CDK5RAP2: variants seen among roughly 807,000 people sequenced by gnomAD.
CDK5RAP2 encodes CDK5 regulatory subunit associated protein 2.
A neutral mutation model predicts 232.9 loss-of-function variants in CDK5RAP2; 147 were observed. That is an observed-to-expected ratio of 0.63 (90% CI 0.55 to 0.72). The LOEUF (loss-of-function observed/expected upper bound fraction) is 0.72. CDK5RAP2 is among the 30% of genes least tolerant of loss of function. The probability of loss-of-function intolerance (pLI) is 0.00; values close to 1 mark genes in which losing one functional copy is unlikely to be tolerated. For missense variants in CDK5RAP2, 2,195 were observed against 2,231.5 expected (o/e 0.98, Z 0.33); for synonymous variants, 833 against 833.7 (o/e 1.00, Z 0.01).
chr9:120,539,883 G>A (rs1054625449), intron 5 of CDK5RAP2, among the ~76,000 whole-genome samples: 1 of 152,196 alleles, frequency 6.6e-6, no homozygotes, highest in Non-Finnish European at 1.5e-5. Context: ...TGCAAGGAGG[G>A]CAGAGAGCTG....
intron 23 of CDK5RAP2, chr9:120,440,315 C>T (rs2035826654): frequency 3.1e-6 from 1 of 326,534 alleles, no homozygotes; most frequent in Admixed American, 4.4e-5. Context: ...GATCTAGTTC[C>T]AGGCAACCTT....
intron 15 of CDK5RAP2, among the ~76,000 whole-genome samples, chr9:120,474,382 G>A (rs2037889566): frequency 6.6e-6 from 1 of 152,238 alleles, no homozygotes; most frequent in South Asian, 2.1e-4. Context: ...AGACATTTTT[G>A]GTTGTTACAA....
chr9:120,530,214 A>G (rs1350940752), intron 7 of CDK5RAP2, 74 bp from the exon 8 acceptor site: 3 of 1,081,802 alleles, frequency 2.8e-6, no homozygotes, highest in Non-Finnish European at 4.2e-6. Flanking sequence ...GAGGAAGGAA[A>G]TGGGGCCAGA....
intron 12 of CDK5RAP2, among the ~76,000 whole-genome samples, chr9:120,516,955 T>C (rs568712654): frequency 7.4e-4 from 112 of 152,358 alleles, no homozygotes; most frequent in African/African-American, 2.5e-3. Flanking sequence ...TGTCATTATT[T>C]AAATAGCCAA....
chr9:120,465,897 C>T (rs1223693601), intron 18 of CDK5RAP2, among the ~76,000 whole-genome samples: 1 of 152,162 alleles, frequency 6.6e-6, no homozygotes, highest in Admixed American at 6.5e-5. Context: ...GGAGACAAAG[C>T]TGCATTCCAG....
chr9:120,426,620 C>A (rs1289505484), intron 25 of CDK5RAP2, among the ~76,000 whole-genome samples: 1 of 152,082 alleles, frequency 6.6e-6, no homozygotes. Flanking sequence ...CTATTCAGAT[C>A]GTTAAAAGGT....
chr9:120,477,390 T>A lies in CDK5RAP2; in HGVS notation c.1687A>T (p.Ile563Phe). The A allele has an allele frequency of 6.2e-7, 1 of 1,614,068 alleles. No homozygotes were observed. The part of the protein sequence containing the change: ...LIQVLKKEQD[I>F]YTHLVKSLQE... ...AGAGATTTGACCAGATGGGTATAGA[T>A]GTCCTGCTCTTTCTTTAAGACCTGA... Residue 563 changes from isoleucine to phenylalanine, a missense_variant, in exon 15 of 38, where the codon ATC becomes TTC. Physicochemically the swap from Ile to Phe is conservative, Grantham distance 21. Transcript: ENST00000349780.
chr9:120,487,447 T>C lies in CDK5RAP2; in HGVS notation c.1483-10A>G, dbSNP rs2038672147. The C allele has an allele frequency of 1.3e-6, 2 of 1,588,300 alleles. No homozygotes were observed. Among genetic ancestry groups the C allele is most frequent in the Non-Finnish European group, 1.7e-6 (2 of 1,165,052 alleles). ...CTTTTTCATTGAATTTCTAATGAAATAAAACAAATTCTAAGGAAATTGTCA... is the reference window on the plus strand; with the variant it reads ...CTTTTTCATTGAATTTCTAATGAAACAAAACAAATTCTAAGGAAATTGTCA... On this transcript the variant is annotated splice_polypyrimidine_tract_variant and intron_variant, in intron 13 of 37. Transcript: ENST00000349780.
chr9:120,391,157 G>A (rs1202773469), intron 36 of CDK5RAP2, among the ~76,000 whole-genome samples: 1 of 152,156 alleles, frequency 6.6e-6, no homozygotes, highest in Non-Finnish European at 1.5e-5. Context: ...CAAGGGGCCT[G>A]AGACCCAGAA....
chr9:120,539,241 G>GAGT, intron 5 of CDK5RAP2, 77 bp from the exon 6 acceptor site: 1 of 1,574,030 alleles, frequency 6.4e-7, no homozygotes, highest in Admixed American at 1.7e-5. Flanking sequence ...AAGAGACAAG[G>GAGT]AGTATTTGCT....
At chr9:120,437,064 C>T (rs968477067) in intron 25 of CDK5RAP2, among the ~76,000 whole-genome samples, 2 of 152,178 alleles carry the variant, frequency 1.3e-5, no homozygotes, top group African/African-American at 2.4e-5. Context: ...CTCACCAGCC[C>T]GGCCCCTGAG....
intron 32 of CDK5RAP2, chr9:120,406,723 G>A: frequency 2.2e-6 from 1 of 453,888 alleles, no homozygotes; most frequent in East Asian, 3.5e-5. Flanking sequence ...AGTGATGCAG[G>A]CAGGACTAAA....
chr9:120,431,610 G>T (rs1372197256), intron 25 of CDK5RAP2, among the ~76,000 whole-genome samples: 1 of 152,156 alleles, frequency 6.6e-6, no homozygotes, highest in African/African-American at 2.4e-5. Flanking sequence ...AAGGCCCCTG[G>T]CAAAGGCCCC....
intron 18 of CDK5RAP2, among the ~76,000 whole-genome samples, chr9:120,463,880 A>G (rs2037226375): frequency 6.6e-6 from 1 of 152,332 alleles, no homozygotes; most frequent in Admixed American, 6.5e-5. Flanking sequence ...CTATTTACTC[A>G]TTTTCAAAGA....
intron 3 of CDK5RAP2, among the ~76,000 whole-genome samples, chr9:120,559,057 T>C (rs1281594889): frequency 3.3e-5 from 5 of 152,200 alleles, no homozygotes; most frequent in Admixed American, 3.3e-4. Flanking sequence ...ATGGCCTTAA[T>C]GAAGTTCACT....
chr9:120,434,740 A>G (rs1440071659), intron 25 of CDK5RAP2, among the ~76,000 whole-genome samples: 2 of 152,306 alleles, frequency 1.3e-5, no homozygotes, highest in Middle Eastern at 3.4e-3. Context: ...TCAGCCAAGG[A>G]GGGAGGGATC....
At chr9:120,408,646 A>C (rs900339351) in intron 30 of CDK5RAP2, among the ~76,000 whole-genome samples, 178 bp from the exon 31 acceptor site, 1 of 152,156 alleles carries the variant, frequency 6.6e-6, no homozygotes, top group Non-Finnish European at 1.5e-5. Flanking sequence ...TCTGCTCAGA[A>C]TCTCCCAGTG....
At chr9:120,454,008 C>G in intron 20 of CDK5RAP2, 135 bp from the exon 21 acceptor site, 1 of 856,728 alleles carries the variant, frequency 1.2e-6, no homozygotes, top group Non-Finnish European at 1.9e-6. Flanking sequence ...GTACCCACAA[C>G]GTGCCAGGGC....
Position 120,389,066 on chromosome 9 carries a change from C to G in CDK5RAP2, c.*170G>C, listed in dbSNP as rs890382412. 4.5e-6 allele frequency: 3 copies of G among 659,552 alleles called. No individual in the cohort carries two copies. The highest frequency in any genetic ancestry group is 7.9e-6 in the Non-Finnish European group (3 of 377,540). The allele number at this position is 659,552 out of a possible 1,614,324, so 40.9% of individuals were successfully genotyped here. A position where few individuals can be genotyped will look rare whatever the true frequency, so the allele number is the denominator to read the frequency against. Reference sequence around the variant, plus strand: ...CCGTTTGTGGAGCACCTGCACCTTTCTGACAACAACTCTCAAGCCAACTTT... The same window carrying G: ...CCGTTTGTGGAGCACCTGCACCTTTGTGACAACAACTCTCAAGCCAACTTT... On this transcript the variant is annotated 3_prime_UTR_variant, in exon 38 of 38. Transcript: ENST00000349780.
Sources: gnomAD v4.1 joint callset for allele counts (sites outside exome capture counted in the v4.1 genomes callset) on GRCh38, gnomAD v4.1.1 for gene constraint, MANE v1.5 for transcripts, NCBI Gene and HGNC (gene_info 2026-07-23, HGNC 2026-07-21) for gene names.